The following KIF16B variants were observed in gnomAD, a reference collection of about 807,000 sequenced individuals.
KIF16B encodes kinesin-like protein KIF16B.
Under a neutral mutation model 156.3 loss-of-function variants are expected in KIF16B, and 98 were observed. The ratio of observed to expected loss-of-function variants is 0.63; its 90% CI spans 0.53 to 0.74. The LOEUF (loss-of-function observed/expected upper bound fraction) is 0.74, where lower values mean the gene tolerates loss of function less well. KIF16B is among the 30% of genes least tolerant of loss of function. The probability of loss-of-function intolerance (pLI) is 0.00; values close to 1 mark genes in which losing one functional copy is unlikely to be tolerated. For missense variants in KIF16B, 1,421 were observed against 1,606.5 expected (o/e 0.88, Z 1.97); for synonymous variants, 564 against 583.7 (o/e 0.97, Z 0.49).
At chr20:16,567,783 T>C (rs1313122756) in intron 1 of KIF16B, among the ~76,000 whole-genome samples, 2 of 152,132 alleles carry the variant, frequency 1.3e-5, no homozygotes, top group East Asian at 1.9e-4. Context: ...ACCCTGTCTC[T>C]ACTAAAAATA....
rs2065058721 is a variant in KIF16B, at chr20:16,380,106, C to T, written c.1896G>A (p.Arg632=). The change falls in exon 19 of 26, where the codon CGG becomes CGA. Residue 632 remains arginine (R), a synonymous_variant. Transcript: ENST00000354981. ...GCTGGGTCTCCACCTCCTGCTGCAT[C>T]CGCTCCAGTTCAGCCTTGTCTGATT... ...KQKSDKAELE[R]MQQEVETQRK... is the part of the protein sequence containing the mutation. 6.6e-7 allele frequency: 1 copy of T among 1,526,388 alleles called. No homozygotes were observed. Among genetic ancestry groups the T allele is most frequent in the Non-Finnish European group, 8.8e-7 (1 of 1,142,240 alleles). The allele number at this position is 1,526,388 out of a possible 1,614,324, so 94.6% of individuals were successfully genotyped here. A position where few individuals can be genotyped will look rare whatever the true frequency, so the allele number is the denominator to read the frequency against.
At chr20:16,349,041 G>C (rs2064286274) in intron 23 of KIF16B, among the ~76,000 whole-genome samples, 1 of 152,202 alleles carries the variant, frequency 6.6e-6, no homozygotes, top group South Asian at 2.1e-4. Flanking sequence ...GTGAAACCCA[G>C]GACTGCTCAC....
Position 16,506,166 on chromosome 20 carries a change from A to G in KIF16B, c.724T>C (p.Cys242Arg), listed in dbSNP as rs1468064518. 1.1e-5 allele frequency: 17 copies of G among 1,614,034 alleles called. No homozygotes were observed. The highest frequency in any genetic ancestry group is 1.4e-5 in the Non-Finnish European group (17 of 1,179,992). Reference protein sequence around the residue: ...TQAKFDSEMPCETVSKIHLVD... With the variant: ...TQAKFDSEMPRETVSKIHLVD... ...AAGTGGATCTTACTGACGGTTTCACATGGCATTTCAGAATCAAATTTAGCC... is the reference window on the plus strand; with the variant it reads ...AAGTGGATCTTACTGACGGTTTCACGTGGCATTTCAGAATCAAATTTAGCC... Residue 242 changes from cysteine to arginine, a missense_variant, in exon 8 of 26, where the codon TGT becomes CGT. Transcript: ENST00000354981.
intron 5 of KIF16B, 67 bp downstream of exon 5, chr20:16,512,758 TA>T: frequency 9.3e-7 from 1 of 1,075,862 alleles, no homozygotes; most frequent in Non-Finnish European, 1.4e-6. Context: ...TTCCAGCACC[TA>T]AATGCAGGCC....
At position 16,452,574 on chromosome 20, in the gene KIF16B, G is replaced by T. The variant is rs192929569; in HGVS notation, c.1303-22592C>A. 1.1e-4 allele frequency among the ~76,000 whole-genome samples: 16 copies of T among 152,182 alleles called. No individual in the cohort carries two copies. The East Asian group carries it at 3.1e-3, about 30-fold the overall frequency. On this transcript the variant is annotated intron_variant, in intron 12 of 25. Transcript: ENST00000354981. ...CAGGAGGCCGGGAGCAGTGGCTCAC[G>T]CCTGTAATCCCAGCACTTTAGGACG...
intron 12 of KIF16B, among the ~76,000 whole-genome samples, chr20:16,474,212 C>G (rs540091827): frequency 6.6e-6 from 1 of 152,216 alleles, no homozygotes; most frequent in South Asian, 2.1e-4. Flanking sequence ...AAATATCTAA[C>G]CTGTTGACCA....
At chr20:16,298,220 T>C (rs560247786) in intron 25 of KIF16B, among the ~76,000 whole-genome samples, 76 of 152,206 alleles carry the variant, frequency 5.0e-4, no homozygotes, top group Non-Finnish European at 8.5e-4. Context: ...TTTCAAAGAT[T>C]AGGCCAGATA....
chr20:16,331,383 T>C (rs950782835), intron 24 of KIF16B, among the ~76,000 whole-genome samples: 1 of 152,202 alleles, frequency 6.6e-6, no homozygotes, highest in Admixed American at 6.5e-5. Flanking sequence ...GATATCATTT[T>C]AGACAAAGTT....
intron 1 of KIF16B, among the ~76,000 whole-genome samples, chr20:16,572,904 T>C (rs2071506396): frequency 6.6e-6 from 1 of 152,090 alleles, no homozygotes; most frequent in Non-Finnish European, 1.5e-5. Flanking sequence ...CTCAGCACTC[T>C]CACCTTCCCC....
At chr20:16,396,866 C>A (rs2065519549) in intron 17 of KIF16B, among the ~76,000 whole-genome samples, 1 of 151,306 alleles carries the variant, frequency 6.6e-6, no homozygotes, top group Non-Finnish European at 1.5e-5. Context: ...GATGATGCTC[C>A]TTCAATGGCT....
chr20:16,514,924 A>G (rs1191561169), intron 4 of KIF16B, among the ~76,000 whole-genome samples: 1 of 150,828 alleles, frequency 6.6e-6, no homozygotes, highest in African/African-American at 2.4e-5. Context: ...AGAAAACAGA[A>G]GAATGATCTA....
intron 1 of KIF16B, among the ~76,000 whole-genome samples, chr20:16,564,157 C>T (rs2071166482): frequency 6.6e-6 from 1 of 152,194 alleles, no homozygotes; most frequent in Non-Finnish European, 1.5e-5. Context: ...CAGGCCATGC[C>T]TCAAACATGG....
intron 12 of KIF16B, among the ~76,000 whole-genome samples, chr20:16,430,826 A>G (rs2066477161): frequency 6.7e-6 from 1 of 148,430 alleles, no homozygotes; most frequent in African/African-American, 2.6e-5. Flanking sequence ...TACCGCATAT[A>G]TGAGTATACT....
In KIF16B at chr20:16,440,533, G is replaced by GCACACA. The variant is rs71192333; in HGVS notation, c.1303-10557_1303-10552dup. Among the ~76,000 whole-genome samples the GCACACA allele has an allele frequency of 7.2e-3, 1,001 of 138,290 alleles. 10 individuals carry two copies. Among genetic ancestry groups the GCACACA allele is most frequent in the Middle Eastern group, 0.011 (3 of 278 alleles). The allele number at this position is 138,290 out of a possible 152,430, so 90.7% of individuals were successfully genotyped here. On this transcript the variant is annotated intron_variant, in intron 12 of 25. Coordinates refer to ENST00000354981, the MANE Select transcript of KIF16B (RefSeq NM_024704.5). ...CTATGGTTAAAACACACAAGCGCGC[G>GCACACA]CACACACACACACACACACACACAC...
intron 1 of KIF16B, among the ~76,000 whole-genome samples, chr20:16,568,785 A>G (rs889797119): frequency 3.2e-5 from 4 of 125,986 alleles, no homozygotes; most frequent in Non-Finnish European, 3.1e-5. Flanking sequence ...GCGCCACTGC[A>G]CTCTAGCCTA....
intron 21 of KIF16B, 97 bp from the exon 22 acceptor site, chr20:16,370,733 A>C (rs2064797964): frequency 1.2e-6 from 1 of 850,920 alleles, no homozygotes; most frequent in African/African-American, 1.8e-5. Flanking sequence ...ATGGAAATCT[A>C]AATAAACATA....
At chr20:16,450,005 T>A (rs2067035276) in intron 12 of KIF16B, among the ~76,000 whole-genome samples, 1 of 152,220 alleles carries the variant, frequency 6.6e-6, no homozygotes, top group African/African-American at 2.4e-5. Context: ...TAAAAATGCT[T>A]GCTTTCAGAA....
intron 23 of KIF16B, among the ~76,000 whole-genome samples, chr20:16,340,851 C>T (rs540031491): frequency 4.6e-5 from 7 of 152,244 alleles, no homozygotes; most frequent in African/African-American, 1.7e-4. Context: ...ACTGCATACA[C>T]CAAATGCTGG....
intron 17 of KIF16B, among the ~76,000 whole-genome samples, chr20:16,396,150 A>C (rs1419946101): frequency 6.6e-6 from 1 of 152,128 alleles, no homozygotes; most frequent in Non-Finnish European, 1.5e-5. Flanking sequence ...CAGGCTGCGG[A>C]CTGGTACCAG....
Sources: allele counts gnomAD v4.1 joint callset (sites outside exome capture counted in the v4.1 genomes callset), GRCh38; gene constraint gnomAD v4.1.1; transcripts MANE v1.5; gene names NCBI Gene and HGNC (gene_info 2026-07-23, HGNC 2026-07-21).